SIGLEC1: variants seen among roughly 807,000 people sequenced by gnomAD.
SIGLEC1 encodes the protein sialoadhesin.
In SIGLEC1, 132 loss-of-function variants were observed where a neutral mutation model predicts 148.0. The ratio of observed to expected loss-of-function variants is 0.89; its 90% CI spans 0.77 to 1.03. The LOEUF is 1.03. SIGLEC1 is among the 50% of genes least tolerant of loss of function. SIGLEC1 has a pLI of 0.00. For synonymous variants in SIGLEC1, 945 were observed against 969.0 expected (o/e 0.98, Z 0.46); for missense variants, 2,253 against 2,271.4 (o/e 0.99, Z 0.16).
In SIGLEC1 at chr20:3,691,524, A is replaced by T; in HGVS notation, c.4407T>A (p.Gly1469=). The change falls in exon 18 of 22, where the codon GGT becomes GGA. Residue 1469 remains glycine (G), a synonymous_variant. Transcript: ENST00000344754. ...TGGAGTTGCCCACAGGCCCAGGGCC[A>T]CCCAGGAGGCGGCAGCTGAGGTTCA... ...AALNLSCRLL[G]GPGPVGNSTF... is the part of the protein sequence containing the mutation. The T allele has an allele frequency of 6.2e-7, 1 of 1,613,276 alleles. No individual in the cohort carries two copies. The highest frequency in any genetic ancestry group is 8.5e-7 in the Non-Finnish European group (1 of 1,180,010).
intron 1 of SIGLEC1, among the ~76,000 whole-genome samples, chr20:3,708,938 G>C (rs531231975): frequency 6.6e-6 from 1 of 151,582 alleles, no homozygotes; most frequent in Non-Finnish European, 1.5e-5. Context: ...CTAGCTACTC[G>C]GGAGGCTGAG....
intron 13 of SIGLEC1, 98 bp downstream of exon 13, chr20:3,694,123 C>T (rs1257388880): frequency 5.3e-6 from 7 of 1,319,680 alleles, no homozygotes; most frequent in Non-Finnish European, 7.2e-6. Flanking sequence ...GGACTATTCC[C>T]GTGCCCCCAG....
rs748804905 is a variant in SIGLEC1 at position 3,706,060 on chromosome 20, T to A, written c.410-20A>T. The A allele has an allele frequency of 6.2e-7, 1 of 1,602,002 alleles. No homozygotes were observed. Among genetic ancestry groups the A allele is most frequent in the Admixed American group, 1.7e-5 (1 of 59,734 alleles). On this transcript the variant is annotated intron_variant, in intron 3 of 21. Transcript: ENST00000344754. ...GCTCCTCTGAGGACAGAGACAGCAGTGCTCAGGACCCGCTTTTGCCACCCC... is the reference window on the plus strand; with the variant it reads ...GCTCCTCTGAGGACAGAGACAGCAGAGCTCAGGACCCGCTTTTGCCACCCC...
At chr20:3,695,293 C>A (rs2088811468) in intron 11 of SIGLEC1, among the ~76,000 whole-genome samples, 1 of 152,194 alleles carries the variant, frequency 6.6e-6, no homozygotes, top group African/African-American at 2.4e-5. Flanking sequence ...CCATAAAGTA[C>A]TGAAAAGGGA....
intron 20 of SIGLEC1, 180 bp downstream of exon 20, chr20:3,689,420 T>C (rs763634498): frequency 2.0e-5 from 13 of 659,770 alleles, no homozygotes; most frequent in Non-Finnish European, 3.4e-5. Context: ...AGAAGGAAAC[T>C]ACAGCAAGGA....
rs748947725 is a variant in SIGLEC1 at position 3,699,379 on chromosome 20, GGCTTAGGCCGCTTCTGCA to G, written c.1591_1608del (p.Cys531_Ser536del). 1 of 1,608,260 alleles carries G rather than the reference GGCTTAGGCCGCTTCTGCA, an allele frequency of 6.2e-7. No homozygotes were observed. The highest frequency in any genetic ancestry group is 1.3e-5 in the African/African-American group (1 of 74,986). On this transcript the variant is annotated inframe_deletion, in exon 8 of 22. Coordinates refer to ENST00000344754, the MANE Select transcript of SIGLEC1 (RefSeq NM_023068.4). ...CAGGAGAAGCGGGCATCAGGTGTGG[GGCTTAGGCCGCTTCTGCA>G]GCTCAGTGTCACTGCCTGTCCTTCC...
chr20:3,693,390 A>G (rs2088785627), intron 14 of SIGLEC1, 57 bp downstream of exon 14: 1 of 1,512,582 alleles, frequency 6.6e-7, no homozygotes. Context: ...CCATGCCGTG[A>G]TCCCTGTGGG....
rs11087599 is a variant in SIGLEC1 at position 3,696,129 on chromosome 20, T to TATATATATATACACAC, written c.2683+456_2683+457insGTGTGTATATATATAT. ...AGGATTTTTATAGAGACTATATATA[T>TATATATATATACACAC]ACACACACACAAACACACACACACA... On this transcript the variant is annotated intron_variant, in intron 11 of 21. Coordinates refer to ENST00000344754, the MANE Select transcript of SIGLEC1 (RefSeq NM_023068.4). Among the ~76,000 whole-genome samples the TATATATATATACACAC allele has an allele frequency of 3.5e-3, 495 of 142,494 alleles. 3 individuals are homozygous for TATATATATATACACAC. The highest frequency in any genetic ancestry group is 0.013 in the African/African-American group (467 of 36,560). The allele number at this position is 142,494 out of a possible 152,430, so 93.5% of individuals were successfully genotyped here. A position where few individuals can be genotyped will look rare whatever the true frequency, so the allele number is the denominator to read the frequency against.
rs992522302 is a variant in SIGLEC1 at position 3,694,377 on chromosome 20, G to T, written c.3100C>A (p.Pro1034Thr). Residue 1034 changes from proline (P) to threonine (T), a missense_variant, in exon 13 of 22, where the codon CCC becomes ACC. Transcript: ENST00000344754. Reference protein sequence around the residue: ...VASTLQGVGGPEGSSPRLHVA... With the variant: ...VASTLQGVGGTEGSSPRLHVA... ...TGCAGCCTGGGAGAGCTGCCTTCGG[G>T]TCCCCCCACACCTTGTAGGGTGGAG... 2.5e-6 allele frequency: 4 copies of T among 1,613,120 alleles called. No individual in the cohort carries two copies. In the Admixed American group the frequency reaches 6.7e-5, roughly 27 times the overall value.
At position 3,703,987 on chromosome 20, in the gene SIGLEC1, C is replaced by T. The variant is rs1251757229; in HGVS notation, c.811G>A (p.Val271Ile). ...TCQVNSSYPA[V>I]SSIKWLKDGV... is the part of the protein sequence containing the mutation. Reference sequence around the variant, plus strand: ...TCCTTGAGCCACTTAATGGAACTGACTGCAGGGTAGCTGCTGTTCACCTGG... The same window carrying T: ...TCCTTGAGCCACTTAATGGAACTGATTGCAGGGTAGCTGCTGTTCACCTGG... Residue 271 changes from valine (V) to isoleucine (I), a missense_variant, in exon 5 of 22, where the codon GTC (valine) becomes ATC (isoleucine). By Grantham distance (29) the Val-to-Ile change is conservative. Transcript: ENST00000344754. 6.2e-7 allele frequency: 1 copy of T among 1,612,682 alleles called. No homozygotes were observed.
At chr20:3,699,100 A>C (rs1407187952) in intron 8 of SIGLEC1, 102 bp downstream of exon 8, 1 of 1,381,790 alleles carries the variant, frequency 7.2e-7, no homozygotes, top group Non-Finnish European at 9.9e-7. Context: ...AGCCCTCCCG[A>C]TATAGACCGT....
In SIGLEC1 at chr20:3,710,254, G is replaced by C. The variant is rs570883648; in HGVS notation, c.-110+2216C>G. ...CAGGGGTCACACCTGGGAAGGGGGT[G>C]AGCCGAGGCCCAGGGCCAGTCAGGC... On this transcript the variant is annotated intron_variant, in intron 1 of 21. Transcript: ENST00000344754. The surrounding 1 kb of genome is among the most constrained non-coding windows in gnomAD (Gnocchi z 4.6). 3.9e-4 allele frequency among the ~76,000 whole-genome samples: 60 copies of C among 152,286 alleles called. No homozygotes were observed. The highest frequency in any genetic ancestry group is 1.6e-3 in the Admixed American group (25 of 15,302).
intron 21 of SIGLEC1, chr20:3,688,925 A>G (rs2088726162): frequency 5.0e-6 from 3 of 603,058 alleles, no homozygotes; most frequent in Non-Finnish European, 5.9e-6. Context: ...CCAAGTCCAG[A>G]AAGTCTCCCC....
At position 3,689,649 on chromosome 20, in the gene SIGLEC1, C is replaced by T. The variant is rs1173046639; in HGVS notation, c.4948G>A (p.Val1650Met). ...QQLLWVLGLL[V>M]GLLLLLLGLG... ...CCCAACAGCAGGAGCAGGAGGCCCACCAGCAGTCCCAGGACCCAGAGCAGC... is the reference window on the plus strand; with the variant it reads ...CCCAACAGCAGGAGCAGGAGGCCCATCAGCAGTCCCAGGACCCAGAGCAGC... Residue 1650 changes from valine (V) to methionine (M), a missense_variant, in exon 20 of 22, where the codon GTG becomes ATG. Val to Met is a conservative substitution (Grantham distance 21). Transcript: ENST00000344754. 3 of 1,591,134 alleles carry T rather than the reference C, an allele frequency of 1.9e-6. No homozygotes were observed. Among genetic ancestry groups the T allele is most frequent in the Non-Finnish European group, 2.6e-6 (3 of 1,169,222 alleles).
chr20:3,690,886 G>A (rs1555845365), intron 18 of SIGLEC1, among the ~76,000 whole-genome samples: 1 of 146,050 alleles, frequency 6.8e-6, no homozygotes, highest in Non-Finnish European at 1.5e-5. Flanking sequence ...GCTGGAGTGC[G>A]TTGTGGTGAT....
At chr20:3,690,821 T>C (rs955202806) in intron 18 of SIGLEC1, among the ~76,000 whole-genome samples, 1 of 135,702 alleles carries the variant, frequency 7.4e-6, no homozygotes, top group African/African-American at 3.0e-5. Flanking sequence ...TTTCTCTTCT[T>C]TTCTTTTCTT....
At chr20:3,697,378 C>T (rs746581337) in intron 9 of SIGLEC1, 36 bp from the exon 10 acceptor site, 35 of 1,608,618 alleles carry the variant, frequency 2.2e-5, no homozygotes, top group South Asian at 3.3e-5. Context: ...TGACCACCCC[C>T]GGCCCCCAGG....
chr20:3,689,264 C>T (rs753819864), intron 20 of SIGLEC1, 37 bp from the exon 21 acceptor site: 1 of 1,544,838 alleles, frequency 6.5e-7, no homozygotes, highest in East Asian at 2.2e-5. Flanking sequence ...AGCCTCTCCC[C>T]TCCCCACCTC....
At position 3,696,699 on chromosome 20, in the gene SIGLEC1, T is replaced by G; in HGVS notation, c.2570A>C (p.Asn857Thr). The change falls in exon 11 of 22, where the codon AAC becomes ACC. Residue 857 changes from asparagine (N) to threonine (T), a missense_variant. By Grantham distance (65) the Asn-to-Thr change is moderately conservative. Coordinates refer to ENST00000344754, the MANE Select transcript of SIGLEC1 (RefSeq NM_023068.4). ...HGRFQAKAEA[N>T]SLKLEVRELG... ...TTCTCGGACCTCTAACTTCAGGGAG[T>G]TGGCCTCAGCTTTAGCCTGGAACCG... The G allele has an allele frequency of 6.2e-7, 1 of 1,613,620 alleles. No individual in the cohort carries two copies. The highest frequency in any genetic ancestry group is 8.5e-7 in the Non-Finnish European group (1 of 1,179,984).
Sources: allele counts gnomAD v4.1 joint callset (sites outside exome capture counted in the v4.1 genomes callset), GRCh38; gene constraint gnomAD v4.1.1; non-coding constraint Gnocchi (gnomAD v3.1); transcripts MANE v1.5; gene names NCBI Gene and HGNC (gene_info 2026-07-23, HGNC 2026-07-21).